Variants in CDC14B observed in about 807,000 individuals in gnomAD.
CDC14B encodes dual specificity protein phosphatase CDC14B.
CDC14B carries 22 observed loss-of-function variants against 64.2 expected under a neutral mutation model. That is an observed-to-expected ratio of 0.34 (90% CI 0.24 to 0.49). The LOEUF is 0.49. CDC14B is among the 20% of genes least tolerant of loss of function. CDC14B has a pLI of 0.99. For synonymous variants in CDC14B, 191 were observed against 215.8 expected (o/e 0.89, Z 1.01); for missense variants, 498 against 629.9 (o/e 0.79, Z 2.24).
intron 13 of CDC14B, 25 bp from the exon 14 acceptor site, chr9:96,503,814 T>C (rs1482077321): frequency 3.7e-6 from 6 of 1,606,850 alleles, no homozygotes; most frequent in Non-Finnish European, 5.1e-6. Context: ...AAAAGGATTT[T>C]TACCAGAAAG....
chr9:96,578,379 C>A (rs747189051), intron 1 of CDC14B, among the ~76,000 whole-genome samples: 3 of 152,112 alleles, frequency 2.0e-5, no homozygotes, highest in Non-Finnish European at 4.4e-5. Flanking sequence ...TGACTTGTTT[C>A]GAAGAATACA....
chr9:96,604,448 T>C (rs1255241316), intron 1 of CDC14B, among the ~76,000 whole-genome samples: 1 of 151,234 alleles, frequency 6.6e-6, no homozygotes, highest in East Asian at 1.9e-4. Flanking sequence ...TGGTGCCATC[T>C]TGGCTCACCA....
chr9:96,604,712 A>G lies in CDC14B; in HGVS notation c.160+14507T>C, dbSNP rs1327608465. Among the ~76,000 whole-genome samples the G allele has an allele frequency of 6.6e-5, 10 of 151,216 alleles. No homozygotes were observed. In the East Asian group the frequency reaches 2.0e-3, roughly 30 times the overall value. Reference sequence around the variant, plus strand: ...GGGACAGAGTCTTGCTCTGTCCCCCAGGCTGGAGTGTAGTGGCACGATCTT... The same window carrying G: ...GGGACAGAGTCTTGCTCTGTCCCCCGGGCTGGAGTGTAGTGGCACGATCTT... On this transcript the variant is annotated intron_variant, in intron 1 of 13. Transcript: ENST00000375241.
rs1212077544 is a variant in CDC14B, at chr9:96,618,784, T to G, written c.160+435A>C. ...GGGGCAGCTCCCGTGCCAGGCGCGT[T>G]CAGCGCGCTCGGGGAATCCTCAGGG... On this transcript the variant is annotated intron_variant, in intron 1 of 13. Coordinates refer to ENST00000375241, the MANE Select transcript of CDC14B (RefSeq NM_033331.4). The G allele has an allele frequency of 8.5e-6, 3 of 352,310 alleles. No homozygotes were observed. In the Admixed American group the frequency reaches 1.2e-4, roughly 14 times the overall value. 21.8% of individuals were successfully genotyped at this position (352,310 alleles called of 1,614,324 possible). A position where few individuals can be genotyped will look rare whatever the true frequency, so the allele number is the denominator to read the frequency against.
chr9:96,592,729 C>T (rs1221606273), intron 1 of CDC14B, among the ~76,000 whole-genome samples: 4 of 151,970 alleles, frequency 2.6e-5, no homozygotes, highest in Admixed American at 1.3e-4. Context: ...GCCAAGATCG[C>T]GCCACTGCAG....
chr9:96,522,078 C>CAGTT (rs1836823209), intron 12 of CDC14B, among the ~76,000 whole-genome samples: 1 of 152,144 alleles, frequency 6.6e-6, no homozygotes, highest in African/African-American at 2.4e-5. Flanking sequence ...TAGTTTAGAC[C>CAGTT]AGTTCATTGT....
chr9:96,509,947 C>T (rs1484545686), intron 12 of CDC14B, among the ~76,000 whole-genome samples, 158 bp from the exon 13 acceptor site: 4 of 152,216 alleles, frequency 2.6e-5, no homozygotes, highest in Non-Finnish European at 4.4e-5. Context: ...CACATTTTCA[C>T]ATCAAGGCCT....
intron 13 of CDC14B, among the ~76,000 whole-genome samples, chr9:96,507,540 C>T (rs1200547376): frequency 1.3e-5 from 2 of 151,574 alleles, no homozygotes; most frequent in African/African-American, 4.8e-5. Flanking sequence ...CTCAGCCTCC[C>T]GAGTAGCTGG....
At chr9:96,520,992 G>A (rs73542459) in intron 12 of CDC14B, among the ~76,000 whole-genome samples, 4,243 of 152,198 alleles carry the variant, frequency 0.028, 180 homozygotes, top group African/African-American at 0.097. Context: ...TAAGGCCTTA[G>A]GTGAAGACTT....
intron 12 of CDC14B, chr9:96,514,324 T>C (rs1484124181): frequency 3.4e-6 from 2 of 586,354 alleles, no homozygotes; most frequent in Non-Finnish European, 2.1e-6. Context: ...TAACTCTATG[T>C]AGTGCATGAT....
intron 1 of CDC14B, among the ~76,000 whole-genome samples, chr9:96,597,232 G>T (rs1328215296): frequency 6.6e-6 from 1 of 152,134 alleles, no homozygotes; most frequent in Admixed American, 6.5e-5. Context: ...AGTGGCTCAC[G>T]CCTGTAATCC....
At chr9:96,542,007 A>C (rs909820730) in intron 5 of CDC14B, 115 bp from the exon 6 acceptor site, 2 of 591,742 alleles carry the variant, frequency 3.4e-6, no homozygotes, top group Non-Finnish European at 5.6e-6. Context: ...ATTATCAAGA[A>C]GAAAAAAATC....
intron 4 of CDC14B, among the ~76,000 whole-genome samples, chr9:96,552,722 T>C (rs142717200): frequency 6.6e-6 from 1 of 152,298 alleles, no homozygotes; most frequent in Admixed American, 6.5e-5. Flanking sequence ...AAGTAAGTCC[T>C]CTGCCTACCC....
At chr9:96,552,009 C>G in intron 4 of CDC14B, 137 bp from the exon 5 acceptor site, 1 of 1,124,566 alleles carries the variant, frequency 8.9e-7, no homozygotes, top group East Asian at 2.7e-5. Context: ...TAGGAATCAC[C>G]CAGAATCCTG....
intron 3 of CDC14B, among the ~76,000 whole-genome samples, chr9:96,563,676 GGAA>G (rs1254112728): frequency 1.3e-3 from 196 of 145,962 alleles, no homozygotes; most frequent in African/African-American, 4.7e-3. Context: ...AAAAAAAAAA[GGAA>G]GAAGAAAAAA....
chr9:96,491,064 C>G (rs757961126), exon 14 of CDC14B: 1 of 152,316 alleles, frequency 6.6e-6, no homozygotes, highest in African/African-American at 2.4e-5. Context: ...CACACACGCC[C>G]GGGAACACAC....
intron 1 of CDC14B, among the ~76,000 whole-genome samples, chr9:96,571,179 A>T (rs12344139): frequency 0.12 from 16,971 of 146,194 alleles, 3,141 homozygotes; most frequent in African/African-American, 0.39. Context: ...CGAAAAAAAA[A>T]TTTTTTTTTT....
intron 4 of CDC14B, among the ~76,000 whole-genome samples, chr9:96,560,513 T>C (rs1265242055): frequency 6.6e-6 from 1 of 152,004 alleles, no homozygotes; most frequent in Non-Finnish European, 1.5e-5. Context: ...GGACCAAATG[T>C]CCCAGTTAAA....
chr9:96,550,572 C>T (rs927994428), intron 5 of CDC14B, among the ~76,000 whole-genome samples: 8 of 152,000 alleles, frequency 5.3e-5, no homozygotes, highest in South Asian at 2.1e-4. Context: ...GATAAACTAA[C>T]GAACTAATTA....
Sources: gnomAD v4.1 joint callset for allele counts (sites outside exome capture counted in the v4.1 genomes callset) on GRCh38, gnomAD v4.1.1 for gene constraint, MANE v1.5 for transcripts, NCBI Gene and HGNC (gene_info 2026-07-23, HGNC 2026-07-21) for gene names.